PXDNL: variants seen among roughly 807,000 people sequenced by gnomAD.
PXDNL encodes probable oxidoreductase PXDNL.
In PXDNL, 145 loss-of-function variants were observed where a neutral mutation model predicts 150.8. The observed-to-expected ratio is 0.96, with a 90% CI of 0.84 to 1.10. PXDNL has a LOEUF of 1.10. Ranked by LOEUF, PXDNL falls within the 50% of genes least tolerant of loss-of-function variation. The pLI, the probability that PXDNL is intolerant of heterozygous loss-of-function variation, is 0.00. For synonymous variants in PXDNL, 757 were observed against 725.7 expected, an observed-to-expected ratio of 1.04 and a Z score of -0.69; for missense variants, 2,087 against 1,873.9, an observed-to-expected ratio of 1.11 and a Z score of -2.10.
chr8:51,611,331 A>G lies in PXDNL; in HGVS notation c.237-18633T>C, dbSNP rs542431653. ...TTTCAGCATAGCAGTTACTTCGATC[A>G]TGAAAAAAGAATGTAACTGGATTTA... On this transcript the variant is annotated intron_variant, in intron 2 of 22. Coordinates refer to ENST00000356297, the MANE Select transcript of PXDNL (RefSeq NM_144651.5). 3.3e-5 allele frequency among the ~76,000 whole-genome samples: 5 copies of G among 152,360 alleles called. No homozygotes were observed. The East Asian group carries it at 9.6e-4, about 29-fold the overall frequency.
At chr8:51,371,349 A>T (rs945742108) in intron 19 of PXDNL, among the ~76,000 whole-genome samples, 2 of 152,250 alleles carry the variant, frequency 1.3e-5, no homozygotes, top group Admixed American at 6.5e-5. Flanking sequence ...GAAGCACCTT[A>T]GGGAAAGTTT....
chr8:51,497,864 T>A (rs1249749391), intron 5 of PXDNL, among the ~76,000 whole-genome samples: 1 of 152,162 alleles, frequency 6.6e-6, no homozygotes, highest in African/African-American at 2.4e-5. Flanking sequence ...ATTGTGGAAG[T>A]CAGTGTGGTG....
chr8:51,598,792 C>T (rs1813629662), intron 2 of PXDNL, among the ~76,000 whole-genome samples: 1 of 151,960 alleles, frequency 6.6e-6, no homozygotes, highest in Non-Finnish European at 1.5e-5. Context: ...GATTTTCTAA[C>T]ATAGGTTTGA....
intron 1 of PXDNL, among the ~76,000 whole-genome samples, chr8:51,769,813 T>A (rs2037272522): frequency 6.6e-6 from 1 of 152,204 alleles, no homozygotes; most frequent in African/African-American, 2.4e-5. Flanking sequence ...ATAGACGGTA[T>A]CTCTGATGCA....
intron 3 of PXDNL, among the ~76,000 whole-genome samples, chr8:51,559,774 T>C (rs1349136677): frequency 2.0e-5 from 3 of 151,608 alleles, no homozygotes; most frequent in Non-Finnish European, 4.4e-5. Context: ...GGAAAATGAG[T>C]GGGAGAAAGC....
chr8:51,676,916 T>C (rs1402759747), intron 1 of PXDNL, among the ~76,000 whole-genome samples: 2 of 152,140 alleles, frequency 1.3e-5, no homozygotes, highest in East Asian at 3.9e-4. Context: ...ACCTCAGGGC[T>C]AAGAGTAGCA....
At chr8:51,336,496 C>A (rs1355725489) in intron 21 of PXDNL, among the ~76,000 whole-genome samples, 1 of 152,204 alleles carries the variant, frequency 6.6e-6, no homozygotes, top group African/African-American at 2.4e-5. Context: ...TTCACAAATA[C>A]TCAGGGCTTG....
At chr8:51,538,919 T>C (rs1324627088) in intron 4 of PXDNL, among the ~76,000 whole-genome samples, 2 of 152,224 alleles carry the variant, frequency 1.3e-5, no homozygotes, top group East Asian at 3.8e-4. Context: ...CTTTTTGTTT[T>C]ATGTTTTTTG....
intron 17 of PXDNL, among the ~76,000 whole-genome samples, chr8:51,395,416 T>C (rs1359568639): frequency 6.6e-6 from 1 of 152,174 alleles, no homozygotes; most frequent in Non-Finnish European, 1.5e-5. Flanking sequence ...AGTGACTTAA[T>C]AAATGTCTGT....
At chr8:51,377,807 C>T (rs903045368) in intron 17 of PXDNL, among the ~76,000 whole-genome samples, 6 of 152,186 alleles carry the variant, frequency 3.9e-5, no homozygotes, top group Non-Finnish European at 5.9e-5. Flanking sequence ...CCCCACACCG[C>T]GGGCTCCTGC....
chr8:51,571,529 T>C (rs1037607211), intron 3 of PXDNL, among the ~76,000 whole-genome samples: 1 of 151,842 alleles, frequency 6.6e-6, no homozygotes, highest in African/African-American at 2.4e-5. Context: ...GCTAAAATGA[T>C]TTTTAAACTA....
At chr8:51,507,406 C>G (rs573080921) in intron 4 of PXDNL, among the ~76,000 whole-genome samples, 2 of 152,170 alleles carry the variant, frequency 1.3e-5, no homozygotes, top group Non-Finnish European at 2.9e-5. Context: ...TTGCACAGAA[C>G]AGTAAGGAGC....
intron 19 of PXDNL, among the ~76,000 whole-genome samples, chr8:51,370,182 C>T (rs900543029): frequency 6.6e-6 from 1 of 152,334 alleles, no homozygotes; most frequent in Middle Eastern, 3.4e-3. Context: ...ATTATATGAG[C>T]TAGGTGTTTC....
intron 4 of PXDNL, among the ~76,000 whole-genome samples, chr8:51,535,244 A>T (rs1184358100): frequency 7.6e-6 from 1 of 130,746 alleles, no homozygotes; most frequent in Admixed American, 7.2e-5. Flanking sequence ...GGGATGGGCC[A>T]TGATGACAAT....
At chr8:51,601,040 T>C (rs1196606638) in intron 2 of PXDNL, among the ~76,000 whole-genome samples, 1 of 147,250 alleles carries the variant, frequency 6.8e-6, no homozygotes, top group African/African-American at 2.5e-5. Flanking sequence ...ATAAATTATA[T>C]CTTATAAATA....
In PXDNL at chr8:51,744,537, G is replaced by A. The variant is rs1189157024; in HGVS notation, c.164+64644C>T. ...AAAAAAAAAAAAAAATTAGCTGGGC[G>A]TGGTGGCAGGCGCCTGCAGTCCCAG... is the stretch of plus-strand genomic sequence containing the variant. On this transcript the variant is annotated intron_variant, in intron 1 of 22. Transcript: ENST00000356297. Among the ~76,000 whole-genome samples the A allele has an allele frequency of 8.0e-5, 12 of 149,504 alleles. 1 individual carries two copies. The highest frequency in any genetic ancestry group is 4.2e-4 in the South Asian group (2 of 4,762).
intron 4 of PXDNL, among the ~76,000 whole-genome samples, chr8:51,538,082 T>C (rs1429233741): frequency 6.6e-6 from 1 of 152,154 alleles, no homozygotes; most frequent in Non-Finnish European, 1.5e-5. Context: ...TACTTACAAA[T>C]AGACGTTTAC....
chr8:51,475,849 G>A (rs1235734766), intron 6 of PXDNL, among the ~76,000 whole-genome samples: 1 of 151,128 alleles, frequency 6.6e-6, no homozygotes, highest in Non-Finnish European at 1.5e-5. Context: ...CCAATATTTA[G>A]ATCCCACTTA....
chr8:51,656,957 A>T (rs1395091153), intron 1 of PXDNL, among the ~76,000 whole-genome samples: 4 of 151,414 alleles, frequency 2.6e-5, no homozygotes. Context: ...ATAAGATGAA[A>T]TGTAAACACA....
Sources: gnomAD v4.1 joint callset for allele counts (sites outside exome capture counted in the v4.1 genomes callset) on GRCh38, gnomAD v4.1.1 for gene constraint, MANE v1.5 for transcripts, NCBI Gene and HGNC (gene_info 2026-07-23, HGNC 2026-07-21) for gene names.